Variants in PPP2R5C observed in about 807,000 individuals in gnomAD.
PPP2R5C encodes the protein serine/threonine-protein phosphatase 2A 56 kDa regulatory subunit gamma isoform.
Under a neutral mutation model 68.9 loss-of-function variants are expected in PPP2R5C, and 7 were observed. That is an observed-to-expected ratio of 0.10 (90% confidence interval 0.06 to 0.19). The LOEUF is 0.19. Among genes scored for constraint, PPP2R5C ranks in the 10% least tolerant of loss-of-function variants. The pLI, the probability that PPP2R5C is intolerant of heterozygous loss-of-function variation, is 1.00. For missense variants in PPP2R5C, 348 were observed against 641.3 expected (o/e 0.54, Z 4.94); for synonymous variants, 210 against 222.2 (o/e 0.95, Z 0.49).
chr14:101,873,204 C>T (rs2144985), intron 2 of PPP2R5C, among the ~76,000 whole-genome samples: 56,452 of 151,962 alleles, frequency 0.37, 12,810 homozygotes, highest in African/African-American at 0.64. Context: ...CCTTGTCTGC[C>T]AATTCTAACA....
At chr14:101,912,289 G>T in intron 11 of PPP2R5C, 112 bp from the exon 14 acceptor site, 1 of 780,198 alleles carries the variant, frequency 1.3e-6, no homozygotes, top group African/African-American at 1.8e-5. Flanking sequence ...TGGAGCAGGG[G>T]GGCTGCGGGA....
rs538780155 is a variant in PPP2R5C at position 101,787,724 on chromosome 14, G to A, written c.259+1541G>A. 4.2e-5 allele frequency among the ~76,000 whole-genome samples: 6 copies of A among 143,802 alleles called. No individual in the cohort carries two copies. The South Asian group carries it at 1.1e-3, about 26-fold the overall frequency. The allele number at this position is 143,802 out of a possible 152,430, so 94.3% of individuals were successfully genotyped here. On this transcript the variant is annotated intron_variant, in intron 3 of 14. Transcript: ENST00000328724. Reference sequence around the variant, plus strand: ...AGAGCTTGCAGTGAGCTGAGATCGTGCCACTGCACTCCAGCCTGGGCGACA... The same window carrying A: ...AGAGCTTGCAGTGAGCTGAGATCGTACCACTGCACTCCAGCCTGGGCGACA...
chr14:101,831,719 T>G (rs2040753063), intron 1 of PPP2R5C: 3 of 698,652 alleles, frequency 4.3e-6, no homozygotes, highest in Non-Finnish European at 7.9e-6. Context: ...TGCACAAGAT[T>G]CGAGACCTAT....
At chr14:101,902,218 CG>C (rs1267151687) in intron 9 of PPP2R5C, among the ~76,000 whole-genome samples, 2 of 152,130 alleles carry the variant, frequency 1.3e-5, no homozygotes, top group Non-Finnish European at 2.9e-5. Context: ...TGATAGACAA[CG>C]GGTGGCCAAA....
intron 8 of PPP2R5C, among the ~76,000 whole-genome samples, chr14:101,898,950 T>G (rs2045520618): frequency 1.3e-5 from 2 of 152,198 alleles, no homozygotes; most frequent in Admixed American, 1.3e-4. Context: ...TAAGGACACC[T>G]GGTGTCCACG....
intron 7 of PPP2R5C, among the ~76,000 whole-genome samples, chr14:101,893,690 C>T (rs2045117036): frequency 6.6e-6 from 1 of 152,320 alleles, no homozygotes; most frequent in East Asian, 1.9e-4. Context: ...GCGGAGGTTG[C>T]AGTGAGCCGA....
At chr14:101,828,554 C>T (rs1423996001) in intron 1 of PPP2R5C, among the ~76,000 whole-genome samples, 2 of 151,878 alleles carry the variant, frequency 1.3e-5, no homozygotes, top group African/African-American at 4.8e-5. Context: ...ACACAAAGAA[C>T]ATACCTATTA....
upstream of PPP2R5C, among the ~76,000 whole-genome samples, chr14:101,807,709 G>C (rs975848309): frequency 6.6e-6 from 1 of 151,852 alleles, no homozygotes; most frequent in Non-Finnish European, 1.5e-5. Flanking sequence ...TCAGCCTTGG[G>C]TTCTTTAAAG....
At chr14:101,818,802 G>A in intron 1 of PPP2R5C, 1 of 531,562 alleles carries the variant, frequency 1.9e-6, no homozygotes, top group Non-Finnish European at 3.4e-6. Flanking sequence ...TTTAAATGTT[G>A]ATATTTTGGT....
intron 3 of PPP2R5C, among the ~76,000 whole-genome samples, chr14:101,794,715 A>G (rs1275480278): frequency 6.6e-6 from 1 of 152,192 alleles, no homozygotes; most frequent in Non-Finnish European, 1.5e-5. Flanking sequence ...TACTAAGCTA[A>G]TGCCTAGATA....
upstream of PPP2R5C, among the ~76,000 whole-genome samples, chr14:101,761,066 GGA>G (rs2036496054): frequency 7.3e-6 from 1 of 136,076 alleles, no homozygotes; most frequent in Non-Finnish European, 1.6e-5. Context: ...GGGAGTGGAG[GGA>G]GAGGAGGGAA....
At chr14:101,911,862 C>T (rs1016350080) in intron 11 of PPP2R5C, among the ~76,000 whole-genome samples, 2 of 148,678 alleles carry the variant, frequency 1.3e-5, no homozygotes, top group African/African-American at 2.5e-5. Flanking sequence ...CCAGTCTGGG[C>T]GACAGAGTGA....
chr14:101,848,203 C>A (rs549901488), intron 1 of PPP2R5C, among the ~76,000 whole-genome samples: 21 of 152,094 alleles, frequency 1.4e-4, no homozygotes, highest in Admixed American at 2.6e-4. Flanking sequence ...AGCTTAAATT[C>A]TTCAGCATGA....
chr14:101,917,436 G>A lies in PPP2R5C; in HGVS notation c.1327-395G>A, dbSNP rs916389458. Among the ~76,000 whole-genome samples, 13 of 152,186 alleles carry A rather than the reference G, an allele frequency of 8.5e-5. No individual in the cohort carries two copies. The highest frequency in any genetic ancestry group is 1.9e-4 in the African/African-American group (8 of 41,434). ...GAAAAGAATCATGAGGTTGGAGGTCGCTGGCAAAGAATGGGCGGCCAGAGG... is the reference window on the plus strand; with the variant it reads ...GAAAAGAATCATGAGGTTGGAGGTCACTGGCAAAGAATGGGCGGCCAGAGG... On this transcript the variant is annotated intron_variant, in intron 12 of 13. Transcript: ENST00000334743. This position sits in a 1 kb window ranked among gnomAD's most constrained non-coding sequence, Gnocchi z 4.4.
At chr14:101,783,560 G>T (rs931237002) in intron 2 of PPP2R5C, among the ~76,000 whole-genome samples, 5 of 151,918 alleles carry the variant, frequency 3.3e-5, no homozygotes, top group Non-Finnish European at 7.4e-5. Flanking sequence ...TGGCCAAAAG[G>T]CCAAGGGCCC....
upstream of PPP2R5C, among the ~76,000 whole-genome samples, chr14:101,805,980 T>C (rs1595209900): frequency 6.6e-6 from 1 of 152,292 alleles, no homozygotes; most frequent in East Asian, 1.9e-4. Context: ...TGGATGGTGG[T>C]GAGGGTTGCA....
At position 101,915,412 on chromosome 14, in the gene PPP2R5C, C is replaced by G. The variant is rs558213282; in HGVS notation, c.1327-2419C>G. 2.7e-3 allele frequency among the ~76,000 whole-genome samples: 405 copies of G among 152,282 alleles called. 1 individual carries two copies. The highest frequency in any genetic ancestry group is 6.7e-3 in the Admixed American group (102 of 15,290). ...AAGGTTTTTATTCCTAGTCAGAACC[C>G]TCTCCTGCCAGTGCCCGCTGTGTGA... is the stretch of plus-strand genomic sequence containing the variant. On this transcript the variant is annotated intron_variant, in intron 12 of 13. Transcript: ENST00000334743. The surrounding 1 kb of genome is among the most constrained non-coding windows in gnomAD (Gnocchi z 4.2).
intron 8 of PPP2R5C, among the ~76,000 whole-genome samples, chr14:101,900,524 T>A (rs1440444051): frequency 1.3e-5 from 2 of 152,240 alleles, no homozygotes; most frequent in Non-Finnish European, 2.9e-5. Context: ...GGATTGCACT[T>A]GTACAATTCA....
Position 101,836,485 on chromosome 14 carries a change from T to C in PPP2R5C, c.95-20201T>C, listed in dbSNP as rs1425705579. On this transcript the variant is annotated intron_variant, in intron 1 of 13. Transcript: ENST00000334743. ...GTCATTCTGTTATTTTGGAAACTTATGTCTCATGCCAGGATCTGCAGATAG... is the reference window on the plus strand; with the variant it reads ...GTCATTCTGTTATTTTGGAAACTTACGTCTCATGCCAGGATCTGCAGATAG... The C allele has an allele frequency of 3.6e-5, 23 of 645,144 alleles. No individual in the cohort carries two copies. The East Asian group carries it at 3.8e-4, about 11-fold the overall frequency. 40.0% of individuals were successfully genotyped at this position (645,144 alleles called of 1,614,324 possible).
Sources: allele counts gnomAD v4.1 joint callset (sites outside exome capture counted in the v4.1 genomes callset), GRCh38; gene constraint gnomAD v4.1.1; non-coding constraint Gnocchi (gnomAD v3.1); transcripts MANE v1.5; gene names NCBI Gene and HGNC (gene_info 2026-07-23, HGNC 2026-07-21).